The following CARMIL1 variants were observed in gnomAD, a reference collection of about 807,000 sequenced individuals.
The protein encoded by CARMIL1 is F-actin-uncapping protein LRRC16A.
A neutral mutation model predicts 177.1 loss-of-function variants in CARMIL1; 90 were observed. The observed-to-expected ratio is 0.51, with a 90% CI of 0.43 to 0.61. The LOEUF (loss-of-function observed/expected upper bound fraction) is 0.61. CARMIL1 is among the 20% of genes least tolerant of loss of function. The pLI is 0.00. For missense variants in CARMIL1, 1,380 were observed against 1,667.0 expected, an observed-to-expected ratio of 0.83 and a Z score of 3.00; for synonymous variants, 577 against 606.2, an observed-to-expected ratio of 0.95 and a Z score of 0.71.
At chr6:25,327,871 A>G (rs548949705) in intron 2 of CARMIL1, among the ~76,000 whole-genome samples, 29 of 152,326 alleles carry the variant, frequency 1.9e-4, no homozygotes, top group Admixed American at 5.9e-4. Flanking sequence ...TATAACTTGC[A>G]TATCTCTTCA....
intron 2 of CARMIL1, among the ~76,000 whole-genome samples, chr6:25,340,777 G>GTTTTTTGTTT (rs1554167803): frequency 4.6e-5 from 4 of 86,136 alleles, no homozygotes; most frequent in African/African-American, 1.6e-4. Context: ...GTCAATGAAG[G>GTTTTTTGTTT]TTTTTTTTTT....
intron 5 of CARMIL1, among the ~76,000 whole-genome samples, chr6:25,437,921 C>T (rs996299797): frequency 6.6e-6 from 1 of 152,196 alleles, no homozygotes; most frequent in Non-Finnish European, 1.5e-5. Flanking sequence ...TCTAGTTCTT[C>T]TCTTGCAAGT....
chr6:25,479,046 A>T (rs1801845066), intron 11 of CARMIL1: 1 of 508,936 alleles, frequency 2.0e-6, no homozygotes, highest in South Asian at 1.4e-5. Context: ...CTGTGCTCTG[A>T]CATCCACAAT....
At chr6:25,339,312 G>C (rs1445549219) in intron 2 of CARMIL1, among the ~76,000 whole-genome samples, 1 of 152,192 alleles carries the variant, frequency 6.6e-6, no homozygotes, top group African/African-American at 2.4e-5. Flanking sequence ...TAGCGTATGA[G>C]GTTGGGATTA....
At chr6:25,482,808 G>A (rs188545096) in intron 12 of CARMIL1, among the ~76,000 whole-genome samples, 1 of 152,154 alleles carries the variant, frequency 6.6e-6, no homozygotes, top group East Asian at 1.9e-4. Flanking sequence ...TTCTCTCCAG[G>A]TCAGTTCCTA....
chr6:25,451,987 C>CCCCA, intron 8 of CARMIL1: 1 of 62,878 alleles, frequency 1.6e-5, no homozygotes, highest in South Asian at 1.5e-4. Context: ...TAGCATCTTG[C>CCCCA]CCCCCCCTCC....
intron 10 of CARMIL1, 28 bp downstream of exon 10, chr6:25,471,285 T>G (rs776190787): frequency 9.1e-6 from 14 of 1,531,712 alleles, no homozygotes; most frequent in Non-Finnish European, 1.8e-6. Flanking sequence ...TATATAAATA[T>G]GTTGCTTTAA....
intron 13 of CARMIL1, among the ~76,000 whole-genome samples, chr6:25,490,878 A>G (rs534344620): frequency 1.3e-5 from 2 of 152,238 alleles, no homozygotes; most frequent in East Asian, 3.8e-4. Context: ...AAACTGCTAC[A>G]CATAGTAAAT....
chr6:25,459,274 T>TCTTTCTTTC (rs1799907930), intron 8 of CARMIL1, among the ~76,000 whole-genome samples: 9 of 30,966 alleles, frequency 2.9e-4, no homozygotes, highest in East Asian at 1.5e-3. Context: ...TTCTTTTTTT[T>TCTTTCTTTC]TTTTTTAAGA....
intron 2 of CARMIL1, among the ~76,000 whole-genome samples, chr6:25,408,309 A>G (rs965075321): frequency 8.6e-5 from 13 of 151,736 alleles, no homozygotes; most frequent in Non-Finnish European, 1.9e-4. Context: ...AAAAAAAAAA[A>G]AAAAAGATTT....
At position 25,554,140 on chromosome 6, in the gene CARMIL1, C is replaced by A; in HGVS notation, c.2592+44C>A. The A allele has an allele frequency of 7.4e-7, 1 of 1,347,030 alleles. No homozygotes were observed. Among genetic ancestry groups the A allele is most frequent in the Non-Finnish European group, 1.0e-6 (1 of 957,182 alleles). The allele number at this position is 1,347,030 out of a possible 1,614,324, so 83.4% of individuals were successfully genotyped here. On this transcript the variant is annotated intron_variant, in intron 28 of 36. Transcript: ENST00000329474. This position sits in a 1 kb window ranked among gnomAD's most constrained non-coding sequence, Gnocchi z 4.6. ...TTGAGCAGGACCTCCTGTTTCAGCT[C>A]TGCTGTGATGCAGGATGACTTCCGG...
At chr6:25,527,790 T>A (rs900668207) in intron 23 of CARMIL1, 2 of 331,394 alleles carry the variant, frequency 6.0e-6, no homozygotes, top group African/African-American at 4.4e-5. Flanking sequence ...ATTTTAATAG[T>A]TTCTAATTGA....
intron 2 of CARMIL1, among the ~76,000 whole-genome samples, chr6:25,292,693 A>G (rs1782070361): frequency 6.6e-6 from 1 of 152,154 alleles, no homozygotes; most frequent in South Asian, 2.1e-4. Context: ...AACATACACC[A>G]GGCTCGGTGT....
Position 25,580,986 on chromosome 6 carries a change from T to A in CARMIL1, c.2805T>A (p.Ala935=). ...GAATGCTGCGGCCTGTTTCTAGGGC[T>A]TTTGGTAAGTGTTTTGCTGCTGCCA... The part of the protein sequence containing the change: ...HSRMLRPVSR[A]FEMEFDLDKA... Residue 935 remains alanine (A), a synonymous_variant, in exon 30 of 37, where the codon GCT becomes GCA. Coordinates refer to ENST00000329474, the MANE Select transcript of CARMIL1 (RefSeq NM_017640.6). 1 of 1,594,932 alleles carries A rather than the reference T, an allele frequency of 6.3e-7. No individual in the cohort carries two copies. The highest frequency in any genetic ancestry group is 1.7e-5 in the Admixed American group (1 of 57,420).
At chr6:25,527,897 C>A (rs1476088229) in intron 23 of CARMIL1, among the ~76,000 whole-genome samples, 2 of 152,184 alleles carry the variant, frequency 1.3e-5, no homozygotes, top group Non-Finnish European at 2.9e-5. Context: ...AACCAGGGAA[C>A]TGCTGTGGCA....
At chr6:25,535,019 A>G (rs571329062) in intron 24 of CARMIL1, among the ~76,000 whole-genome samples, 1 of 152,358 alleles carries the variant, frequency 6.6e-6, no homozygotes, top group African/African-American at 2.4e-5. Flanking sequence ...TATATCTGAA[A>G]AAGCCTAGGT....
intron 3 of CARMIL1, among the ~76,000 whole-genome samples, chr6:25,424,266 T>C (rs1204705623): frequency 3.3e-5 from 5 of 152,200 alleles, no homozygotes; most frequent in African/African-American, 1.2e-4. Context: ...ACACTCCTTG[T>C]TTGCTTGAGG....
At chr6:25,609,316 A>G (rs1187079752) in intron 35 of CARMIL1, among the ~76,000 whole-genome samples, 2 of 152,086 alleles carry the variant, frequency 1.3e-5, no homozygotes, top group African/African-American at 4.8e-5. Flanking sequence ...AATACAAAAA[A>G]TTAGCCTGGC....
At chr6:25,510,818 G>T in intron 20 of CARMIL1, 56 bp downstream of exon 20, 1 of 1,019,132 alleles carries the variant, frequency 9.8e-7, no homozygotes, top group East Asian at 2.6e-5. Flanking sequence ...CATTCTTACT[G>T]ATTATTTCTA....
Sources: allele counts gnomAD v4.1 joint callset (sites outside exome capture counted in the v4.1 genomes callset), GRCh38; gene constraint gnomAD v4.1.1; non-coding constraint Gnocchi (gnomAD v3.1); transcripts MANE v1.5; gene names NCBI Gene and HGNC (gene_info 2026-07-23, HGNC 2026-07-21).